The following MCC variants were observed in gnomAD, a reference collection of about 807,000 sequenced individuals.
The protein encoded by MCC is MCC regulator of Wnt signaling pathway.
MCC carries 90 observed loss-of-function variants against 116.2 expected under a neutral mutation model. The observed-to-expected ratio is 0.77, with a 90% CI of 0.65 to 0.92. The LOEUF is 0.92. Among genes scored for constraint, MCC ranks in the 40% least tolerant of loss-of-function variants. The pLI is 0.00. For missense variants in MCC, 1,516 were observed against 1,312.2 expected (o/e 1.16, Z -2.40); for synonymous variants, 578 against 510.5 (o/e 1.13, Z -1.78).
chr5:113,354,426 T>C (rs1402808865), intron 2 of MCC, among the ~76,000 whole-genome samples: 1 of 128,488 alleles, frequency 7.8e-6, no homozygotes, highest in Non-Finnish European at 1.6e-5. Flanking sequence ...TCTGAGGGAT[T>C]CTTTTCCTTT....
At chr5:113,421,729 A>G (rs1770342376) in intron 1 of MCC, among the ~76,000 whole-genome samples, 1 of 152,082 alleles carries the variant, frequency 6.6e-6, no homozygotes, top group Non-Finnish European at 1.5e-5. Flanking sequence ...ATAAACATCC[A>G]CGGAGCTAAT....
At chr5:113,172,334 T>A (rs996441459) in intron 3 of MCC, among the ~76,000 whole-genome samples, 1 of 152,184 alleles carries the variant, frequency 6.6e-6, no homozygotes, top group Non-Finnish European at 1.5e-5. Flanking sequence ...GGCAAAATTT[T>A]GGAGGTTAGA....
chr5:113,311,997 T>G (rs889765961), intron 3 of MCC, among the ~76,000 whole-genome samples: 1 of 152,106 alleles, frequency 6.6e-6, no homozygotes, highest in Non-Finnish European at 1.5e-5. Flanking sequence ...TCCCAGCTAC[T>G]CAGGAGGCTG....
In MCC at chr5:113,203,966, T is replaced by C. The variant is rs560912417; in HGVS notation, c.628-52544A>G. Among the ~76,000 whole-genome samples, 54 of 152,332 alleles carry C rather than the reference T, an allele frequency of 3.5e-4. No individual in the cohort carries two copies. The East Asian group carries it at 9.4e-3, about 27-fold the overall frequency. The stretch of plus-strand genomic sequence containing the variant: ...AGAGCAAACCAAATTTGAGGAGAGA[T>C]GCCGGACGCCAAACTGAGTACAGGC... On this transcript the variant is annotated intron_variant, in intron 3 of 18. Transcript: ENST00000408903.
chr5:113,165,991 G>C (rs1760747819), intron 3 of MCC, among the ~76,000 whole-genome samples: 1 of 152,104 alleles, frequency 6.6e-6, no homozygotes, highest in Non-Finnish European at 1.5e-5. Context: ...GGGAATGAAG[G>C]CTGCATATTT....
At chr5:113,123,648 G>A (rs533608418) in intron 5 of MCC, among the ~76,000 whole-genome samples, 11 of 152,278 alleles carry the variant, frequency 7.2e-5, no homozygotes, top group African/African-American at 2.2e-4. Context: ...GTATTTCAGA[G>A]CACGTGTACT....
At chr5:113,470,024 C>T (rs1169101533) in intron 1 of MCC, among the ~76,000 whole-genome samples, 106 of 151,506 alleles carry the variant, frequency 7.0e-4, no homozygotes, top group Non-Finnish European at 1.3e-3. Context: ...TTTTGTTTTC[C>T]ATTTGCTTGG....
At chr5:113,199,916 G>T (rs1762598255) in intron 3 of MCC, among the ~76,000 whole-genome samples, 1 of 152,152 alleles carries the variant, frequency 6.6e-6, no homozygotes, top group Non-Finnish European at 1.5e-5. Flanking sequence ...TCCCGGTGAA[G>T]GCTATTGATT....
chr5:113,429,771 G>A (rs1770578379), intron 1 of MCC, among the ~76,000 whole-genome samples: 1 of 152,178 alleles, frequency 6.6e-6, no homozygotes, highest in South Asian at 2.1e-4. Context: ...ACTTCATATA[G>A]TGAGGAGAAT....
rs1750594262 is a variant in MCC at position 113,026,992 on chromosome 5, C to T, written c.*310G>A. ...TGGGATCCCACTGATGCACAGCCGC[C>T]AGACCAGAAGAGGAGGGGGAGAGTG... On this transcript the variant is annotated 3_prime_UTR_variant, in exon 19 of 19. Coordinates refer to ENST00000408903, the MANE Select transcript of MCC (RefSeq NM_001085377.2). The T allele has an allele frequency of 6.3e-6, 2 of 318,158 alleles. No individual in the cohort carries two copies. Among genetic ancestry groups the T allele is most frequent in the East Asian group, 1.1e-4 (2 of 18,066 alleles). The allele number at this position is 318,158 out of a possible 1,614,324, so 19.7% of individuals were successfully genotyped here.
At chr5:113,232,125 G>C (rs2150334911) in intron 3 of MCC, among the ~76,000 whole-genome samples, 1 of 152,128 alleles carries the variant, frequency 6.6e-6, no homozygotes, top group Admixed American at 6.5e-5. Context: ...TAAAATAAAA[G>C]CAAAAATAAA....
At chr5:113,329,069 C>A (rs527322450) in intron 3 of MCC, among the ~76,000 whole-genome samples, 179 of 152,300 alleles carry the variant, frequency 1.2e-3, no homozygotes, top group African/African-American at 4.1e-3. Flanking sequence ...CAGGCAACCT[C>A]TGTAATCCTC....
At chr5:113,130,817 T>C (rs902400546) in intron 5 of MCC, among the ~76,000 whole-genome samples, 1 of 152,188 alleles carries the variant, frequency 6.6e-6, no homozygotes, top group Non-Finnish European at 1.5e-5. Flanking sequence ...GCCAGTGCCA[T>C]GCTTCTTGTA....
chr5:113,273,764 A>C (rs1765706040), intron 3 of MCC, among the ~76,000 whole-genome samples: 1 of 152,168 alleles, frequency 6.6e-6, no homozygotes, highest in African/African-American at 2.4e-5. Flanking sequence ...AACACTAGGC[A>C]AATGGTCACA....
intron 1 of MCC, among the ~76,000 whole-genome samples, chr5:113,424,987 C>G (rs1466671295): frequency 1.3e-5 from 2 of 151,698 alleles, no homozygotes; most frequent in African/African-American, 2.4e-5. Context: ...CAAAGAAGAC[C>G]GAGGGGAGGA....
intron 1 of MCC, among the ~76,000 whole-genome samples, chr5:113,410,755 C>T (rs1312937498): frequency 1.3e-5 from 2 of 152,202 alleles, no homozygotes; most frequent in Admixed American, 1.3e-4. Flanking sequence ...ATCCCTCCCC[C>T]AACGCTCCAC....
At chr5:113,271,226 T>C (rs1444376411) in intron 3 of MCC, among the ~76,000 whole-genome samples, 2 of 152,152 alleles carry the variant, frequency 1.3e-5, no homozygotes, top group Non-Finnish European at 2.9e-5. Flanking sequence ...TTAAGAAATG[T>C]CTTGCTTTTC....
At chr5:113,041,006 G>T (rs533797415) in intron 17 of MCC, among the ~76,000 whole-genome samples, 3 of 152,204 alleles carry the variant, frequency 2.0e-5, no homozygotes, top group Non-Finnish European at 4.4e-5. Context: ...TTTCCATCCC[G>T]TGTTTCTGGC....
intron 1 of MCC, among the ~76,000 whole-genome samples, chr5:113,392,321 T>C (rs1769422194): frequency 6.6e-6 from 1 of 151,876 alleles, no homozygotes; most frequent in African/African-American, 2.4e-5. Context: ...CCAATGAAGA[T>C]ATAAAAAGAT....
Sources: allele counts gnomAD v4.1 joint callset (sites outside exome capture counted in the v4.1 genomes callset), GRCh38; gene constraint gnomAD v4.1.1; transcripts MANE v1.5; gene names NCBI Gene and HGNC (gene_info 2026-07-23, HGNC 2026-07-21).